Variants in TMEM168 observed in about 807,000 individuals in gnomAD.
The protein encoded by TMEM168 is transmembrane protein 168.
In TMEM168, 40 loss-of-function variants were observed where a neutral mutation model predicts 53.2. The ratio of observed to expected loss-of-function variants is 0.75; its 90% confidence interval spans 0.58 to 0.98. The LOEUF is 0.98. Among genes scored for constraint, TMEM168 ranks in the 50% least tolerant of loss-of-function variants. TMEM168 has a pLI of 0.00. For missense variants in TMEM168, 771 were observed against 828.8 expected, an observed-to-expected ratio of 0.93 and a Z score of 0.86; for synonymous variants, 282 against 293.0, an observed-to-expected ratio of 0.96 and a Z score of 0.38.
chr7:112,765,278 T>TTTTAC lies in TMEM168; in HGVS notation c.*1914_*1918dup, dbSNP rs1792746282. On this transcript the variant is annotated 3_prime_UTR_variant, in exon 5 of 5. Coordinates refer to ENST00000312814, the MANE Select transcript of TMEM168 (RefSeq NM_022484.6). ...TTCTTGGCCCAAAGACCATTTTTGGTTTTACTTTCACAGGAAATACATATG... is the reference window on the plus strand; with the variant it reads ...TTCTTGGCCCAAAGACCATTTTTGGTTTTACTTTACTTTCACAGGAAATACATATG... The TTTTAC allele has an allele frequency of 6.6e-6, 1 of 152,184 alleles. No individual in the cohort carries two copies. The highest frequency in any genetic ancestry group is 2.4e-5 in the African/African-American group (1 of 41,442). The allele number at this position is 152,184 out of a possible 1,614,324, so 9.4% of individuals were successfully genotyped here.
At position 112,772,968 on chromosome 7, in the gene TMEM168, T is replaced by A. The variant is rs866345294; in HGVS notation, c.1359A>T (p.Arg453Ser). ...RSTGMLNAIQ[R>S]FFAYHMIETY... ...TCTCAATCATATGATATGCAAAAAA[T>A]CTTTGGATAGCATTGAGCATGCCAG... Residue 453 changes from arginine to serine, a missense_variant, in exon 4 of 5, where the codon AGA becomes AGT. Physicochemically the swap from Arg to Ser is moderately radical, Grantham distance 110 (BLOSUM62 -1). Transcript: ENST00000312814. 6.2e-7 allele frequency: 1 copy of A among 1,614,054 alleles called. No individual in the cohort carries two copies. Among genetic ancestry groups the A allele is most frequent in the African/African-American group, 1.3e-5 (1 of 75,036 alleles).
chr7:112,768,737 A>G (rs949773038), intron 4 of TMEM168, among the ~76,000 whole-genome samples: 1 of 152,116 alleles, frequency 6.6e-6, no homozygotes, highest in Admixed American at 6.5e-5. Context: ...CCCTGTCTCA[A>G]TGGTACACTG....
chr7:112,778,957 C>T (rs567404089), intron 2 of TMEM168, among the ~76,000 whole-genome samples: 2 of 152,258 alleles, frequency 1.3e-5, no homozygotes, highest in East Asian at 1.9e-4. Context: ...GGCATGATCA[C>T]GATTCACTGC....
chr7:112,768,378 G>A (rs764016958), intron 4 of TMEM168, among the ~76,000 whole-genome samples: 1 of 152,114 alleles, frequency 6.6e-6, no homozygotes, highest in Non-Finnish European at 1.5e-5. Context: ...GCCCTTTACA[G>A]AAAAAGTTTG....
rs1792718231 is a variant in TMEM168, at chr7:112,764,200, T to TC, written c.*2996_*2997insG. The TC allele has an allele frequency of 1.3e-5, 2 of 151,830 alleles. No individual in the cohort carries two copies. The highest frequency in any genetic ancestry group is 2.9e-5 in the Non-Finnish European group (2 of 67,952). The allele number at this position is 151,830 out of a possible 1,614,324, so 9.4% of individuals were successfully genotyped here. ...ATTCATACTGTTTTTTTTATTCTATTGAAAAAAAAGATGATGTTTTTAGAG... is the reference window on the plus strand; with the variant it reads ...ATTCATACTGTTTTTTTTATTCTATTCGAAAAAAAAGATGATGTTTTTAGAG... On this transcript the variant is annotated 3_prime_UTR_variant, in exon 5 of 5. Transcript: ENST00000312814.
chr7:112,764,064 C>G lies in TMEM168; in HGVS notation c.*3133G>C, dbSNP rs1792713800. On this transcript the variant is annotated 3_prime_UTR_variant, in exon 5 of 5. Coordinates refer to ENST00000312814, the MANE Select transcript of TMEM168 (RefSeq NM_022484.6). Reference sequence around the variant, plus strand: ...TCATGGGGAGAGAAAGAACTTGGCTCCTTATTTATTTTGCAACAGTGTGTA... The same window carrying G: ...TCATGGGGAGAGAAAGAACTTGGCTGCTTATTTATTTTGCAACAGTGTGTA... 2.0e-5 allele frequency: 3 copies of G among 151,558 alleles called. No homozygotes were observed. Among genetic ancestry groups the G allele is most frequent in the Non-Finnish European group, 4.4e-5 (3 of 67,912 alleles). The allele number at this position is 151,558 out of a possible 1,614,324, so 9.4% of individuals were successfully genotyped here. A position where few individuals can be genotyped will look rare whatever the true frequency, so the allele number is the denominator to read the frequency against.
intron 2 of TMEM168, among the ~76,000 whole-genome samples, chr7:112,777,463 A>T (rs921135270): frequency 6.6e-6 from 1 of 151,976 alleles, no homozygotes; most frequent in African/African-American, 2.4e-5. Flanking sequence ...ATTCTTTCAC[A>T]TATTTCCTTT....
rs139120570 is a variant in TMEM168 at position 112,767,458 on chromosome 7, T to G, written c.1833A>C (p.Thr611=). 48 of 1,614,090 alleles carry G rather than the reference T, an allele frequency of 3.0e-5. No individual in the cohort carries two copies. The highest frequency in any genetic ancestry group is 4.1e-5 in the Non-Finnish European group (48 of 1,180,034). The change falls in exon 5 of 5, where the codon ACA becomes ACC. Residue 611 remains threonine, a synonymous_variant. Coordinates refer to ENST00000312814, the MANE Select transcript of TMEM168 (RefSeq NM_022484.6). ...TTGACACACCATATACTGCTTTCAC[T>G]GTGCGTCCCTTTTCAGTCCAGCAGA... The part of the protein sequence containing the change: ...NNICWTEKGR[T]VKAVYGVSKR...
Position 112,766,830 on chromosome 7 carries a change from A to G in TMEM168, c.*367T>C, listed in dbSNP as rs1395485644. ...CAGTAAACAAATTTATCTGGTCTAC[A>G]TTCTCTAAACTATTATTATATGCCT... is the stretch of plus-strand genomic sequence containing the variant. On this transcript the variant is annotated 3_prime_UTR_variant, in exon 5 of 5. Coordinates refer to ENST00000312814, the MANE Select transcript of TMEM168 (RefSeq NM_022484.6). The G allele has an allele frequency of 1.7e-5, 3 of 171,802 alleles. No homozygotes were observed. Among genetic ancestry groups the G allele is most frequent in the Non-Finnish European group, 2.5e-5 (2 of 80,896 alleles). The allele number at this position is 171,802 out of a possible 1,614,324, so 10.6% of individuals were successfully genotyped here.
chr7:112,783,665 T>C, intron 2 of TMEM168, 33 bp downstream of exon 2: 3 of 1,428,654 alleles, frequency 2.1e-6, no homozygotes, highest in Non-Finnish European at 2.8e-6. Context: ...TTATTACACG[T>C]CATTGGGGTT....
rs750586375 is a variant in TMEM168, at chr7:112,784,280, C to CA, written c.545dup (p.Leu182PhefsTer12). 1 of 1,614,088 alleles carries CA rather than the reference C, an allele frequency of 6.2e-7. No homozygotes were observed. The highest frequency in any genetic ancestry group is 1.1e-5 in the South Asian group (1 of 91,084). ...TCAGCATAGCCAGAGCTACAACAAG[C>CA]AAAATGACACTCAGAGACTTCTCCA... is the stretch of plus-strand genomic sequence containing the variant. On this transcript the variant is annotated frameshift_variant, in exon 2 of 5. Coordinates refer to ENST00000312814, the MANE Select transcript of TMEM168 (RefSeq NM_022484.6). LOFTEE classifies it high-confidence loss of function.
chr7:112,773,870 A>T lies in TMEM168; in HGVS notation c.1272-815T>A, dbSNP rs73718112. Among the ~76,000 whole-genome samples the T allele has an allele frequency of 8.8e-3, 1,343 of 152,256 alleles. 18 individuals carry two copies. Among genetic ancestry groups the T allele is most frequent in the African/African-American group, 0.03 (1,237 of 41,546 alleles). On this transcript the variant is annotated intron_variant, in intron 3 of 4. Transcript: ENST00000312814. ...GTCACAAAAGAGTAAGGAATACATTAAAAAAATTACAATGGAATAAATATC... is the reference window on the plus strand; with the variant it reads ...GTCACAAAAGAGTAAGGAATACATTTAAAAAATTACAATGGAATAAATATC...
rs375100369 is a variant in TMEM168 at position 112,784,714 on chromosome 7, A to G, written c.112T>C (p.Tyr38His). The change falls in exon 2 of 5, where the codon TAT (tyrosine) becomes CAT (histidine). Residue 38 changes from tyrosine (Y) to histidine (H), a missense_variant. Coordinates refer to ENST00000312814, the MANE Select transcript of TMEM168 (RefSeq NM_022484.6). Reference sequence around the variant, plus strand: ...ACCAATAAATTGATTCTGGCTAAATAGCCAAGATACCGCACTGAAGAATGC... The same window carrying G: ...ACCAATAAATTGATTCTGGCTAAATGGCCAAGATACCGCACTGAAGAATGC... ...NMHSSVRYLG[Y>H]LARINLLVAI... The G allele has an allele frequency of 7.4e-6, 12 of 1,613,940 alleles. No individual in the cohort carries two copies. The highest frequency in any genetic ancestry group is 6.7e-5 in the African/African-American group (5 of 74,946).
rs1184573895 is a variant in TMEM168 at position 112,767,248 on chromosome 7, A to G, written c.2043T>C (p.Phe681=). The change falls in exon 5 of 5, where the codon TTT becomes TTC. Residue 681 remains phenylalanine (F), a synonymous_variant. Transcript: ENST00000312814. The part of the protein sequence containing the change: ...RCLKRLKMSW[F]LPTVLDTGQG... ...GTCCTGTGTCCAGCACAGTAGGAAGAAACCAACTCATTTTTAATCTTTTCA... is the reference window on the plus strand; with the variant it reads ...GTCCTGTGTCCAGCACAGTAGGAAGGAACCAACTCATTTTTAATCTTTTCA... 3 of 1,614,150 alleles carry G rather than the reference A, an allele frequency of 1.9e-6. No individual in the cohort carries two copies. Among genetic ancestry groups the G allele is most frequent in the Non-Finnish European group, 2.5e-6 (3 of 1,180,004 alleles).
At position 112,765,660 on chromosome 7, in the gene TMEM168, G is replaced by GC. The variant is rs1402657962; in HGVS notation, c.*1536dup. 1 of 152,140 alleles carries GC rather than the reference G, an allele frequency of 6.6e-6. No homozygotes were observed. Among genetic ancestry groups the GC allele is most frequent in the Non-Finnish European group, 1.5e-5 (1 of 67,994 alleles). 9.4% of individuals were successfully genotyped at this position (152,140 alleles called of 1,614,324 possible). A position where few individuals can be genotyped will look rare whatever the true frequency, so the allele number is the denominator to read the frequency against. On this transcript the variant is annotated 3_prime_UTR_variant, in exon 5 of 5. Transcript: ENST00000312814. Reference sequence around the variant, plus strand: ...TCCAAACATGAACTCTAAAACATGGGCATTTTTAATGACTACCACTTTTAA... The same window carrying GC: ...TCCAAACATGAACTCTAAAACATGGGCCATTTTTAATGACTACCACTTTTAA...
Position 112,784,964 on chromosome 7 carries a change from G to GA in TMEM168, c.-128-12dup. The GA allele has an allele frequency of 3.3e-6, 2 of 609,420 alleles. No homozygotes were observed. The highest frequency in any genetic ancestry group is 5.0e-6 in the Non-Finnish European group (2 of 402,812). 37.8% of individuals were successfully genotyped at this position (609,420 alleles called of 1,614,324 possible). On this transcript the variant is annotated splice_polypyrimidine_tract_variant and intron_variant, in intron 1 of 4. Transcript: ENST00000312814. ...TTTGTTTATAGTGATCTAAAAAGAA[G>GA]AAAACAATATTTCAGAGTTAATTTT...
intron 3 of TMEM168, among the ~76,000 whole-genome samples, chr7:112,774,700 C>A (rs1160365743): frequency 2.0e-5 from 3 of 152,044 alleles, no homozygotes; most frequent in Admixed American, 6.5e-5. Flanking sequence ...CCTGCCTCAG[C>A]CTCCTGAGTA....
rs777545835 is a variant in TMEM168, at chr7:112,784,174, C to G, written c.652G>C (p.Glu218Gln). The G allele has an allele frequency of 3.7e-6, 6 of 1,613,694 alleles. No homozygotes were observed. The Admixed American group carries it at 1.0e-4, about 27-fold the overall frequency. Residue 218 changes from glutamate to glutamine, a missense_variant, in exon 2 of 5, where the codon GAA (glutamate) becomes CAA (glutamine). Glu to Gln is a conservative substitution (Grantham distance 29). Coordinates refer to ENST00000312814, the MANE Select transcript of TMEM168 (RefSeq NM_022484.6). ...AAAGCAATCGGATTTTTGGGAGTTT[C>G]CAATGAGGAAAAAAATAACAAAACT... ...FAVLLFFSSL[E>Q]TPKNPIAFAC...
intron 1 of TMEM168, among the ~76,000 whole-genome samples, chr7:112,787,083 C>T (rs1195319323): frequency 6.6e-6 from 1 of 152,194 alleles, no homozygotes; most frequent in Non-Finnish European, 1.5e-5. Flanking sequence ...CAAACTCTCA[C>T]TTTTATTTTA....
Sources: allele counts gnomAD v4.1 joint callset (sites outside exome capture counted in the v4.1 genomes callset), GRCh38; gene constraint gnomAD v4.1.1; transcripts MANE v1.5; gene names NCBI Gene and HGNC (gene_info 2026-07-23, HGNC 2026-07-21).